CDYL2: variants seen among roughly 807,000 people sequenced by gnomAD.
CDYL2 encodes the protein chromodomain Y-like protein 2.
Under a neutral mutation model 49.4 loss-of-function variants are expected in CDYL2, and 23 were observed. The ratio of observed to expected loss-of-function variants is 0.47; its 90% CI spans 0.34 to 0.66. The LOEUF is 0.66. Among genes scored for constraint, CDYL2 ranks in the 30% least tolerant of loss-of-function variants. CDYL2 has a pLI of 0.01. For missense variants in CDYL2, 678 were observed against 656.4 expected, an observed-to-expected ratio of 1.03 and a Z score of -0.36; for synonymous variants, 360 against 268.8, an observed-to-expected ratio of 1.34 and a Z score of -3.32.
At chr16:80,723,389 T>C (rs1190779509) in intron 1 of CDYL2, among the ~76,000 whole-genome samples, 2 of 152,212 alleles carry the variant, frequency 1.3e-5, no homozygotes, top group Admixed American at 1.3e-4. Flanking sequence ...ACAGTTTGCA[T>C]TCTGTCTGTG....
intron 4 of CDYL2, among the ~76,000 whole-genome samples, chr16:80,618,009 T>C (rs1360930915): frequency 6.6e-6 from 1 of 152,178 alleles, no homozygotes; most frequent in Admixed American, 6.5e-5. Context: ...AATGCTCCCT[T>C]GGGCCTCTCT....
chr16:80,725,005 A>G (rs1905118365), intron 1 of CDYL2, among the ~76,000 whole-genome samples: 1 of 152,214 alleles, frequency 6.6e-6, no homozygotes, highest in African/African-American at 2.4e-5. Flanking sequence ...TACTGAGTTA[A>G]GCATGGTCTA....
intron 2 of CDYL2, among the ~76,000 whole-genome samples, chr16:80,657,212 G>C (rs1169332719): frequency 2.0e-5 from 3 of 152,130 alleles, no homozygotes; most frequent in South Asian, 4.2e-4. Context: ...ATTTGACAAG[G>C]ACTTTAAAAT....
intron 2 of CDYL2, among the ~76,000 whole-genome samples, chr16:80,645,520 C>G (rs1908300023): frequency 6.6e-6 from 1 of 152,130 alleles, no homozygotes; most frequent in Non-Finnish European, 1.5e-5. Flanking sequence ...AATAGGAACA[C>G]TTTTACACTG....
intron 1 of CDYL2, among the ~76,000 whole-genome samples, chr16:80,699,299 A>G (rs1904289179): frequency 6.6e-6 from 1 of 152,248 alleles, no homozygotes; most frequent in African/African-American, 2.4e-5. Flanking sequence ...AATATGATAT[A>G]CATATTTATA....
intron 1 of CDYL2, among the ~76,000 whole-genome samples, chr16:80,728,037 G>A (rs957919185): frequency 6.6e-6 from 1 of 152,214 alleles, no homozygotes; most frequent in Non-Finnish European, 1.5e-5. Context: ...CTAAAAAGCA[G>A]AGCACCTCTC....
intron 1 of CDYL2, among the ~76,000 whole-genome samples, chr16:80,738,292 G>T (rs187676462): frequency 6.6e-6 from 1 of 152,238 alleles, no homozygotes; most frequent in East Asian, 1.9e-4. Context: ...TTGGTTACAA[G>T]TCTTTACTAT....
At chr16:80,795,694 AAGGTCC>A (rs1907750625) in intron 1 of CDYL2, among the ~76,000 whole-genome samples, 2 of 152,140 alleles carry the variant, frequency 1.3e-5, no homozygotes, top group African/African-American at 4.8e-5. Flanking sequence ...GCCTCTCCTC[AAGGTCC>A]AGCACCACCA....
At chr16:80,725,145 C>G (rs1905123515) in intron 1 of CDYL2, among the ~76,000 whole-genome samples, 1 of 151,870 alleles carries the variant, frequency 6.6e-6, no homozygotes, top group South Asian at 2.1e-4. Context: ...CTGGAACACT[C>G]TGAACTCCCA....
chr16:80,693,283 T>C (rs1008419984), intron 1 of CDYL2, among the ~76,000 whole-genome samples: 2 of 152,110 alleles, frequency 1.3e-5, no homozygotes, highest in East Asian at 1.9e-4. Flanking sequence ...AAATAAGTTA[T>C]ACCTCAATAA....
intron 1 of CDYL2, among the ~76,000 whole-genome samples, chr16:80,700,508 G>C (rs923444598): frequency 6.6e-6 from 1 of 152,132 alleles, no homozygotes; most frequent in African/African-American, 2.4e-5. Context: ...CAAAGAAGCA[G>C]AATAAGAAAT....
intron 1 of CDYL2, among the ~76,000 whole-genome samples, chr16:80,706,031 A>G (rs947823395): frequency 6.6e-6 from 1 of 152,232 alleles, no homozygotes; most frequent in African/African-American, 2.4e-5. Context: ...CATCACAGAC[A>G]TGGTCCCTGT....
intron 6 of CDYL2, among the ~76,000 whole-genome samples, chr16:80,607,478 C>A (rs1187457782): frequency 6.6e-6 from 1 of 152,240 alleles, no homozygotes; most frequent in Non-Finnish European, 1.5e-5. Flanking sequence ...AGCTCTGGAA[C>A]CAGCCCTGGG....
chr16:80,610,092 G>C (rs545374445), intron 5 of CDYL2, among the ~76,000 whole-genome samples: 44 of 152,280 alleles, frequency 2.9e-4, no homozygotes, highest in Non-Finnish European at 8.8e-5. Flanking sequence ...TGTATGGTTG[G>C]TGATGTTATT....
intron 6 of CDYL2, 151 bp downstream of exon 6, chr16:80,607,941 T>C (rs1906416444): frequency 5.7e-6 from 5 of 881,064 alleles, no homozygotes; most frequent in Non-Finnish European, 8.3e-6. Context: ...CTGTCAATAC[T>C]GAGAAAAGGC....
chr16:80,736,550 G>A (rs999000940), intron 1 of CDYL2: 2 of 152,206 alleles, frequency 1.3e-5, no homozygotes, highest in Admixed American at 6.5e-5. Context: ...TTTGAAGGAG[G>A]AGACAGGACA....
intron 2 of CDYL2, among the ~76,000 whole-genome samples, chr16:80,667,298 C>T (rs1483495919): frequency 6.6e-6 from 1 of 152,178 alleles, no homozygotes; most frequent in African/African-American, 2.4e-5. Flanking sequence ...GCCTCCCGTG[C>T]AGGCTGCTCT....
At chr16:80,765,037 G>A (rs1906668790) in intron 1 of CDYL2, among the ~76,000 whole-genome samples, 1 of 142,784 alleles carries the variant, frequency 7.0e-6, no homozygotes, top group Non-Finnish European at 1.5e-5. Context: ...TCCAGCCTGG[G>A]TGACAGTGAG....
At chr16:80,775,232 G>A (rs1305480440) in intron 1 of CDYL2, among the ~76,000 whole-genome samples, 4 of 151,502 alleles carry the variant, frequency 2.6e-5, no homozygotes, top group Non-Finnish European at 4.4e-5. Flanking sequence ...TATAAGTGAA[G>A]ATATAAGTAA....
Sources: allele counts gnomAD v4.1 joint callset (sites outside exome capture counted in the v4.1 genomes callset), GRCh38; gene constraint gnomAD v4.1.1; transcripts MANE v1.5; gene names NCBI Gene and HGNC (gene_info 2026-07-23, HGNC 2026-07-21).